The following TENM1 variants were observed in gnomAD, a reference collection of about 807,000 sequenced individuals.
TENM1 encodes the protein teneurin-1.
In TENM1, 35 loss-of-function variants were observed where a neutral mutation model predicts 174.8. That is an observed-to-expected ratio of 0.20 (90% CI 0.15 to 0.27). The LOEUF (loss-of-function observed/expected upper bound fraction) is 0.27. Ranked by LOEUF, TENM1 falls within the 10% of genes least tolerant of loss-of-function variation. The pLI is 1.00. For missense variants in TENM1, 1,633 were observed against 2,130.1 expected, an observed-to-expected ratio of 0.77 and a Z score of 4.59; for synonymous variants, 781 against 798.7, an observed-to-expected ratio of 0.98 and a Z score of 0.37.
At chrX:124,670,341 T>C (rs1256377434) in intron 6 of TENM1, among the ~76,000 whole-genome samples, 1 of 111,127 alleles carries the variant, frequency 9.0e-6, no homozygotes, top group Non-Finnish European at 1.9e-5. Flanking sequence ...GCTCTTGTAC[T>C]TTCAGATATA....
At chrX:124,937,081 T>C (rs2058257120) in intron 1 of TENM1, among the ~76,000 whole-genome samples, 1 of 109,459 alleles carries the variant, frequency 9.1e-6, no homozygotes, top group South Asian at 3.9e-4. Flanking sequence ...AGTGTAACTA[T>C]TAAGCACTTA....
chrX:124,427,280 G>A (rs749211514), intron 23 of TENM1, among the ~76,000 whole-genome samples: 3 of 112,441 alleles, frequency 2.7e-5, no homozygotes, highest in Admixed American at 9.4e-5. Flanking sequence ...TATCAAGGCT[G>A]CCTCTGAGAT....
At chrX:125,037,211 A>G in the TENM1 span, among the ~76,000 whole-genome samples, 1 of 110,236 alleles carries the variant, frequency 9.1e-6, no homozygotes, top group African/African-American at 3.3e-5. Flanking sequence ...GGGTTCCAGC[A>G]TCTGGTCTCT....
At chrX:124,772,588 T>A (rs906094773) in intron 3 of TENM1, among the ~76,000 whole-genome samples, 2 of 112,084 alleles carry the variant, frequency 1.8e-5, no homozygotes, top group Admixed American at 9.4e-5. Flanking sequence ...AAACATTTTT[T>A]AAAAATATGG....
At chrX:125,197,074 C>A in the TENM1 span, among the ~76,000 whole-genome samples, 2 of 111,393 alleles carry the variant, frequency 1.8e-5, no homozygotes, top group Admixed American at 9.6e-5. Flanking sequence ...TATGCAAAAC[C>A]ATGCAACTGG....
intron 1 of TENM1, among the ~76,000 whole-genome samples, chrX:124,915,342 T>C (rs6608221): frequency 0.015 from 1,632 of 111,764 alleles, 23 homozygotes; most frequent in African/African-American, 0.051. Context: ...CTGGCCAACA[T>C]GGTGAAACCC....
At chrX:124,865,887 A>C (rs2056994284) in intron 3 of TENM1, among the ~76,000 whole-genome samples, 1 of 112,367 alleles carries the variant, frequency 8.9e-6, no homozygotes, top group African/African-American at 3.2e-5. Flanking sequence ...AATAGATTTC[A>C]AGACAAAAAC....
At chrX:125,001,644 G>A in the TENM1 span, among the ~76,000 whole-genome samples, 3 of 108,392 alleles carry the variant, frequency 2.8e-5, no homozygotes, top group Non-Finnish European at 5.8e-5. Context: ...ATGCAGAGTA[G>A]GAAAAGGCTA....
At chrX:125,034,319 G>A in the TENM1 span, among the ~76,000 whole-genome samples, 7 of 111,698 alleles carry the variant, frequency 6.3e-5, no homozygotes, top group Non-Finnish European at 1.3e-4. Flanking sequence ...AGAGGAAGTG[G>A]GGACCAAAAA....
intron 11 of TENM1, among the ~76,000 whole-genome samples, chrX:124,621,637 T>TCA (rs1367761338): frequency 6.2e-5 from 7 of 112,264 alleles, no homozygotes; most frequent in Non-Finnish European, 9.4e-5. Flanking sequence ...CTGTGACCCA[T>TCA]CACATGAAGT....
intron 27 of TENM1, among the ~76,000 whole-genome samples, chrX:124,402,471 C>T (rs2060411122): frequency 8.9e-6 from 1 of 112,221 alleles, no homozygotes; most frequent in Non-Finnish European, 1.9e-5. Flanking sequence ...ACTAACTAAA[C>T]ACTTTACTTC....
rs2053808878 is a variant in TENM1, at chrX:124,741,926, TC to T, written c.536-4730del. ...AAAATTTGTCTTAAGTTCAAACTGT[TC>T]TCAAACATCCCAATGGCAAAGGAAA... On this transcript the variant is annotated intron_variant, in intron 3 of 31. Coordinates refer to ENST00000422452, the Ensembl canonical transcript of TENM1. Among the ~76,000 whole-genome samples the T allele has an allele frequency of 1.1e-4, 12 of 112,455 alleles. 1 individual carries two copies. The highest frequency in any genetic ancestry group is 4.6e-3 in the Middle Eastern group (1 of 218).
chrX:124,957,471 C>T (rs898614760), intron 1 of TENM1, among the ~76,000 whole-genome samples: 3 of 108,152 alleles, frequency 2.8e-5, no homozygotes, highest in African/African-American at 1.0e-4. Flanking sequence ...GTAATCTCAG[C>T]TACTCAGGAG....
At position 124,413,514 on chromosome X, in the gene TENM1, C is replaced by T. The variant is rs976709072; in HGVS notation, c.4982+6797G>A. Among the ~76,000 whole-genome samples, 3 of 112,008 alleles carry T rather than the reference C, an allele frequency of 2.7e-5. No individual in the cohort carries two copies. In the East Asian group the frequency reaches 8.5e-4, roughly 32 times the overall value. ...CATCGATAGTGCTTCTGGGAGGGCA[C>T]ACTCAGGTTACATAGATGTGCTATG... On this transcript the variant is annotated intron_variant, in intron 25 of 31. Coordinates refer to ENST00000422452, the Ensembl canonical transcript of TENM1.
intron 3 of TENM1, among the ~76,000 whole-genome samples, chrX:124,832,470 T>C (rs759337809): frequency 1.8e-5 from 2 of 112,415 alleles, no homozygotes; most frequent in Admixed American, 1.9e-4. Context: ...GTAATTCACT[T>C]GCTGTCTGAT....
At chrX:124,660,372 C>T (rs1476453505) in intron 6 of TENM1, among the ~76,000 whole-genome samples, 1 of 101,364 alleles carries the variant, frequency 9.9e-6, no homozygotes, top group African/African-American at 3.8e-5. Flanking sequence ...TAGACTCCAT[C>T]TCCAAAAAAA....
intron 5 of TENM1, among the ~76,000 whole-genome samples, chrX:124,674,161 A>G (rs1241246538): frequency 9.1e-6 from 1 of 109,540 alleles, no homozygotes; most frequent in African/African-American, 3.3e-5. Flanking sequence ...CACAGAGGCA[A>G]TAGTTGAAGT....
the TENM1 span, among the ~76,000 whole-genome samples, chrX:125,004,336 G>T: frequency 9.0e-6 from 1 of 111,685 alleles, no homozygotes; most frequent in Non-Finnish European, 1.9e-5. Context: ...TACTATGTCA[G>T]GGCACGGTCA....
the TENM1 span, among the ~76,000 whole-genome samples, chrX:124,977,361 G>T: frequency 1.8e-5 from 2 of 111,715 alleles, no homozygotes; most frequent in East Asian, 5.6e-4. Context: ...GCCAGATGTT[G>T]TGGGCCATAC....
Sources: allele counts gnomAD v4.1 joint callset (sites outside exome capture counted in the v4.1 genomes callset), GRCh38; gene constraint gnomAD v4.1.1; transcripts MANE v1.5; gene names NCBI Gene and HGNC (gene_info 2026-07-23, HGNC 2026-07-21).